The following RFLNA variants were observed in gnomAD, a reference collection of about 807,000 sequenced individuals.
RFLNA encodes refilin A, also known as refilin-A.
RFLNA carries 5 observed loss-of-function variants against 7.8 expected under a neutral mutation model. That is an observed-to-expected ratio of 0.64 (90% CI 0.34 to 1.35). The LOEUF (loss-of-function observed/expected upper bound fraction) is 1.35, where lower values mean the gene tolerates loss of function less well. Among genes scored for constraint, RFLNA ranks in the 40% most tolerant of loss-of-function variants. The pLI, the probability that RFLNA is intolerant of heterozygous loss-of-function variation, is 0.04. For synonymous variants in RFLNA, 141 were observed against 131.3 expected (o/e 1.07, Z -0.50); for missense variants, 278 against 305.5 (o/e 0.91, Z 0.67).
intron 1 of RFLNA, among the ~76,000 whole-genome samples, chr12:124,296,143 TC>T (rs1365182581): frequency 0.014 from 52 of 3,680 alleles, 9 homozygotes; most frequent in South Asian, 0.048. Flanking sequence ...TCTCTCTTCT[TC>T]TCTTCTCTTC....
At chr12:124,295,873 A>G (rs542412436) in intron 1 of RFLNA, among the ~76,000 whole-genome samples, 4 of 151,998 alleles carry the variant, frequency 2.6e-5, no homozygotes, top group African/African-American at 9.6e-5. Flanking sequence ...GCCTCCCTCC[A>G]GAGTGATTCT....
Position 124,315,901 on chromosome 12 carries a change from A to G in RFLNA, c.*1376A>G, listed in dbSNP as rs1476714439. The G allele has an allele frequency of 6.6e-6, 1 of 151,610 alleles. No homozygotes were observed. Among genetic ancestry groups the G allele is most frequent in the Non-Finnish European group, 1.5e-5 (1 of 67,820 alleles). The allele number at this position is 151,610 out of a possible 1,614,324, so 9.4% of individuals were successfully genotyped here. A position where few individuals can be genotyped will look rare whatever the true frequency, so the allele number is the denominator to read the frequency against. On this transcript the variant is annotated 3_prime_UTR_variant, in exon 3 of 3. Coordinates refer to ENST00000546355, the MANE Select transcript of RFLNA (RefSeq NM_001365156.1). ...TTCCGTTCACATCCAGGAGGGGCAAAATGACTGATGTATTTTTATGTATCT... is the reference window on the plus strand; with the variant it reads ...TTCCGTTCACATCCAGGAGGGGCAAGATGACTGATGTATTTTTATGTATCT...
intron 1 of RFLNA, among the ~76,000 whole-genome samples, chr12:124,310,630 G>T (rs1008656780): frequency 4.6e-5 from 7 of 151,116 alleles, no homozygotes; most frequent in South Asian, 2.1e-4. Context: ...ATGGGGTGGG[G>T]GTCCTTAGGC....
intron 2 of RFLNA, 133 bp downstream of exon 2, chr12:124,312,060 C>A: frequency 9.1e-7 from 1 of 1,104,862 alleles, no homozygotes; most frequent in Non-Finnish European, 1.2e-6. Flanking sequence ...TCCAGGCAGC[C>A]CCTCTGGGTG....
Position 124,314,508 on chromosome 12 carries a change from G to A in RFLNA, c.634G>A (p.Gly212Ser). 1 of 1,587,416 alleles carries A rather than the reference G, an allele frequency of 6.3e-7. No homozygotes were observed. The highest frequency in any genetic ancestry group is 8.5e-7 in the Non-Finnish European group (1 of 1,173,970). The change falls in exon 3 of 3, where the codon GGC becomes AGC. Residue 212 changes from glycine to serine, a missense_variant. Physicochemically the swap from Gly to Ser is moderately conservative, Grantham distance 56. Coordinates refer to ENST00000546355, the MANE Select transcript of RFLNA (RefSeq NM_001365156.1). ...LCQDPAPSLLGPATL is the reference protein window; with the variant it reads ...LCQDPAPSLLSPATL ...CCAGGACCCTGCCCCCAGCCTCCTG[G>A]GCCCTGCCACGCTCTGACGGGGCTG...
chr12:124,295,521 C>CCCACAG lies in RFLNA; in HGVS notation c.94_95insACAGCC (p.Pro31_Pro32insHisSer). ...CTGGACAGCCCCGACTCCGGGCTGC[C>CCCACAG]CCCCAGCCCCAGCCCCAGCCCGCCC... is the stretch of plus-strand genomic sequence containing the variant. On this transcript the variant is annotated inframe_insertion, in exon 1 of 3. Coordinates refer to ENST00000546355, the MANE Select transcript of RFLNA (RefSeq NM_001365156.1). 7.9e-7 allele frequency: 1 copy of CCCACAG among 1,269,400 alleles called. No individual in the cohort carries two copies. The highest frequency in any genetic ancestry group is 9.9e-7 in the Non-Finnish European group (1 of 1,009,914). The allele number at this position is 1,269,400 out of a possible 1,614,324, so 78.6% of individuals were successfully genotyped here.
Position 124,295,410 on chromosome 12 carries a change from G to A in RFLNA, c.-20G>A. 1 of 1,208,800 alleles carries A rather than the reference G, an allele frequency of 8.3e-7. No individual in the cohort carries two copies. The highest frequency in any genetic ancestry group is 4.1e-5 in the South Asian group (1 of 24,200). The allele number at this position is 1,208,800 out of a possible 1,614,324, so 74.9% of individuals were successfully genotyped here. A position where few individuals can be genotyped will look rare whatever the true frequency, so the allele number is the denominator to read the frequency against. On this transcript the variant is annotated 5_prime_UTR_variant, in exon 1 of 3. Transcript: ENST00000546355. ...AAGCCCCCGGAGGAGCGGGGGGCCC[G>A]CGCCCCGCGCCCCCCAGACATGGTG...
Position 124,295,165 on chromosome 12 carries a change from A to G in RFLNA, c.-265A>G, listed in dbSNP as rs1469885589. On this transcript the variant is annotated 5_prime_UTR_variant, in exon 1 of 3. Transcript: ENST00000546355. ...GGGATCGCAGCGCAGCGCAGAGGCGAGGCTGGGCCCGGCGGGCGGGAGCCG... is the reference window on the plus strand; with the variant it reads ...GGGATCGCAGCGCAGCGCAGAGGCGGGGCTGGGCCCGGCGGGCGGGAGCCG... 1 of 150,630 alleles carries G rather than the reference A, an allele frequency of 6.6e-6. No individual in the cohort carries two copies. The highest frequency in any genetic ancestry group is 1.5e-5 in the Non-Finnish European group (1 of 67,446). 9.3% of individuals were successfully genotyped at this position (150,630 alleles called of 1,614,324 possible). A position where few individuals can be genotyped will look rare whatever the true frequency, so the allele number is the denominator to read the frequency against.
Position 124,306,803 on chromosome 12 carries a change from G to C in RFLNA, c.208-5015G>C, listed in dbSNP as rs1050784549. On this transcript the variant is annotated intron_variant, in intron 1 of 2. Transcript: ENST00000546355. The surrounding 1 kb of genome is among the most constrained non-coding windows in gnomAD (Gnocchi z 5.2). ...TCATTGTCCAGGCAGGTATGGGGGC[G>C]GCGGGGAGGGGACAGATGTAGGAGA... Among the ~76,000 whole-genome samples, 1 of 152,122 alleles carries C rather than the reference G, an allele frequency of 6.6e-6. No individual in the cohort carries two copies. The highest frequency in any genetic ancestry group is 6.5e-5 in the Admixed American group (1 of 15,276).
At chr12:124,290,547 C>G (rs2033807872), upstream of RFLNA, among the ~76,000 whole-genome samples, 1 of 151,706 alleles carries the variant, frequency 6.6e-6, no homozygotes, top group South Asian at 2.1e-4. The surrounding 1 kb of genome is among the most constrained non-coding windows in gnomAD (Gnocchi z 4.0). Flanking sequence ...TGTGTATATA[C>G]ATGTTTATGT....
chr12:124,293,090 AT>A (rs367547107), upstream of RFLNA, among the ~76,000 whole-genome samples: 1,012 of 152,018 alleles, frequency 6.7e-3, 8 homozygotes, highest in African/African-American at 0.021. Flanking sequence ...CGCCCGGCTA[AT>A]TTTTTTGTTA....
Position 124,306,228 on chromosome 12 carries a change from G to A in RFLNA, c.208-5590G>A, listed in dbSNP as rs77334552. Among the ~76,000 whole-genome samples, 7,540 of 152,208 alleles carry A rather than the reference G, an allele frequency of 0.05. 581 individuals are homozygous for A. Among genetic ancestry groups the A allele is most frequent in the African/African-American group, 0.16 (6,575 of 41,492 alleles). Reference sequence around the variant, plus strand: ...TCCAGCCTTAGGGAGCTGCTTCTCTGGGGGTGACAGACACGCAAAGGGGTT... The same window carrying A: ...TCCAGCCTTAGGGAGCTGCTTCTCTAGGGGTGACAGACACGCAAAGGGGTT... On this transcript the variant is annotated intron_variant, in intron 1 of 2. Coordinates refer to ENST00000546355, the MANE Select transcript of RFLNA (RefSeq NM_001365156.1). The surrounding 1 kb of genome is among the most constrained non-coding windows in gnomAD (Gnocchi z 5.2).
chr12:124,303,072 C>T (rs557713178), intron 1 of RFLNA, among the ~76,000 whole-genome samples: 4 of 152,232 alleles, frequency 2.6e-5, no homozygotes, highest in East Asian at 3.9e-4. Context: ...CATGGTTCAG[C>T]GAACTGCGCC....
chr12:124,307,539 T>C (rs1011991513), intron 1 of RFLNA, among the ~76,000 whole-genome samples: 10 of 152,104 alleles, frequency 6.6e-5, no homozygotes, highest in Non-Finnish European at 5.9e-5. Flanking sequence ...CTCTCTCCCA[T>C]TCCCCTGGAA....
chr12:124,302,816 G>A (rs1266167659), intron 1 of RFLNA, among the ~76,000 whole-genome samples: 1 of 148,936 alleles, frequency 6.7e-6, no homozygotes, highest in Admixed American at 6.6e-5. Flanking sequence ...GAGGTCAGGG[G>A]CCGAGGTCAG....
chr12:124,300,618 G>T (rs1407508673), intron 1 of RFLNA, among the ~76,000 whole-genome samples: 1 of 151,634 alleles, frequency 6.6e-6, no homozygotes, highest in Non-Finnish European at 1.5e-5. Context: ...ATGGACAGAA[G>T]AATGGGTGGA....
At chr12:124,296,694 C>T (rs531649028) in intron 1 of RFLNA, among the ~76,000 whole-genome samples, 9 of 152,336 alleles carry the variant, frequency 5.9e-5, no homozygotes, top group Admixed American at 4.6e-4. Context: ...GACCTTCATT[C>T]GTGCCTTGCT....
At chr12:124,296,412 G>A (rs990548718) in intron 1 of RFLNA, among the ~76,000 whole-genome samples, 1 of 151,452 alleles carries the variant, frequency 6.6e-6, no homozygotes, top group Admixed American at 6.6e-5. Flanking sequence ...CCCGGCAGGC[G>A]GGGAAGCATA....
At chr12:124,311,620 A>G in intron 1 of RFLNA, 198 bp from the exon 2 acceptor site, 1 of 491,290 alleles carries the variant, frequency 2.0e-6, no homozygotes. Flanking sequence ...AGATCCCTGA[A>G]TGCCTGGATC....
Sources: allele counts gnomAD v4.1 joint callset (sites outside exome capture counted in the v4.1 genomes callset), GRCh38; gene constraint gnomAD v4.1.1; non-coding constraint Gnocchi (gnomAD v3.1); transcripts MANE v1.5; gene names NCBI Gene and HGNC (gene_info 2026-07-23, HGNC 2026-07-21).